The following MICAL2 variants were observed in gnomAD, a reference collection of about 807,000 sequenced individuals.
The protein encoded by MICAL2 is [F-actin]-monooxygenase MICAL2.
In MICAL2, 77 loss-of-function variants were observed where a neutral mutation model predicts 127.3. That is an observed-to-expected ratio of 0.60 (90% CI 0.50 to 0.73). The LOEUF (loss-of-function observed/expected upper bound fraction) is 0.73. Among genes scored for constraint, MICAL2 ranks in the 30% least tolerant of loss-of-function variants. The pLI, the probability that MICAL2 is intolerant of heterozygous loss-of-function variation, is 0.00. For synonymous variants in MICAL2, 570 were observed against 551.1 expected, an observed-to-expected ratio of 1.03 and a Z score of -0.48; for missense variants, 1,351 against 1,434.4, an observed-to-expected ratio of 0.94 and a Z score of 0.94.
chr11:12,266,042 G>T (rs1433447226), downstream of MICAL2, among the ~76,000 whole-genome samples: 2 of 152,134 alleles, frequency 1.3e-5, no homozygotes, highest in Admixed American at 1.3e-4. Context: ...AACCCAGGAG[G>T]CAGAGGTTGC....
intron 2 of MICAL2, among the ~76,000 whole-genome samples, chr11:12,284,756 G>A (rs1863807026): frequency 6.6e-6 from 1 of 152,120 alleles, no homozygotes; most frequent in South Asian, 2.1e-4. Flanking sequence ...TTGGGGGGTG[G>A]GCTATTCATC....
At chr11:12,305,596 A>G (rs529613042) in intron 29 of MICAL2, among the ~76,000 whole-genome samples, 1 of 152,346 alleles carries the variant, frequency 6.6e-6, no homozygotes, top group South Asian at 2.1e-4. Flanking sequence ...TTATAACAAT[A>G]TACTGTAATA....
At chr11:12,272,811 G>A (rs114190166), upstream of MICAL2, among the ~76,000 whole-genome samples, 1,586 of 151,658 alleles carry the variant, frequency 0.01, 26 homozygotes, top group African/African-American at 0.034. Flanking sequence ...AGGGGTAGTG[G>A]CCACCTGCGA....
chr11:12,254,827 A>G (rs1010631043), intron 22 of MICAL2: 1 of 152,134 alleles, frequency 6.6e-6, no homozygotes, highest in African/African-American at 2.4e-5. Context: ...CCCAGGACTA[A>G]AAGGCTTTTG....
chr11:12,227,096 C>G lies in MICAL2; in HGVS notation c.1960C>G (p.Leu654Val). 1 of 1,614,070 alleles carries G rather than the reference C, an allele frequency of 6.2e-7. No homozygotes were observed. Among genetic ancestry groups the G allele is most frequent in the Non-Finnish European group, 8.5e-7 (1 of 1,179,950 alleles). Reference protein sequence around the residue: ...LAKSSISNNYLNLTFPRKRTP... With the variant: ...LAKSSISNNYVNLTFPRKRTP... ...CAAATCATCCATTTCTAATAACTAT[C>G]TCAACCTCACATTTCCAAGGAAGAG... The change falls in exon 15 of 28, where the codon CTC becomes GTC. Residue 654 changes from leucine (L) to valine (V), a missense_variant. This residue lies in a region of MICAL2 where 752 missense variants were observed against 719.4 expected (regional missense o/e 1.05). Coordinates refer to ENST00000683283, the MANE Select transcript of MICAL2 (RefSeq NM_001282663.2).
intron 17 of MICAL2, 97 bp from the exon 18 acceptor site, chr11:12,240,943 C>A (rs1036053296): frequency 1.0e-5 from 15 of 1,436,418 alleles, no homozygotes; most frequent in African/African-American, 5.7e-5. Context: ...CGTCTCCCTG[C>A]TCCTCTTCTC....
At chr11:12,235,493 G>A (rs1040612944) in intron 15 of MICAL2, among the ~76,000 whole-genome samples, 2 of 152,120 alleles carry the variant, frequency 1.3e-5, no homozygotes, top group African/African-American at 2.4e-5. Flanking sequence ...GGTAAAAAGC[G>A]GTAAATCAGA....
intron 9 of MICAL2, among the ~76,000 whole-genome samples, chr11:12,221,282 A>G (rs1856788825): frequency 6.6e-6 from 1 of 152,026 alleles, no homozygotes; most frequent in African/African-American, 2.4e-5. Flanking sequence ...CTTTGCCCAC[A>G]CCATTCCCAA....
In MICAL2 at chr11:12,162,224, C is replaced by T. The variant is rs544805910; in HGVS notation, c.69C>T (p.Ser23=). 45 of 1,614,206 alleles carry T rather than the reference C, an allele frequency of 2.8e-5. 1 individual carries two copies. In the Admixed American group the frequency reaches 4.7e-4, roughly 17 times the overall value. ...GQVFENFVQA[S]TCKGTLQAFN... is the part of the protein sequence containing the mutation. Reference sequence around the variant, plus strand: ...TTTTTGAGAACTTTGTCCAGGCATCCACGTGCAAAGGTACCCTCCAGGCCT... The same window carrying T: ...TTTTTGAGAACTTTGTCCAGGCATCTACGTGCAAAGGTACCCTCCAGGCCT... The change falls in exon 3 of 28, where the codon TCC becomes TCT. Residue 23 remains serine, a synonymous_variant. Transcript: ENST00000683283.
intron 15 of MICAL2, among the ~76,000 whole-genome samples, chr11:12,229,028 A>G (rs1293937151): frequency 6.6e-6 from 1 of 152,068 alleles, no homozygotes; most frequent in Non-Finnish European, 1.5e-5. Flanking sequence ...AAGCCTCTGC[A>G]AGTTTCTGAG....
intron 3 of MICAL2, among the ~76,000 whole-genome samples, chr11:12,169,847 T>C (rs899851738): frequency 1.6e-4 from 24 of 152,352 alleles, no homozygotes; most frequent in Non-Finnish European, 2.9e-5. Context: ...TTCTCCTCCC[T>C]GGAGTGGATA....
At chr11:12,183,629 G>A (rs1210051421) in intron 3 of MICAL2, among the ~76,000 whole-genome samples, 6 of 152,220 alleles carry the variant, frequency 3.9e-5, no homozygotes, top group Non-Finnish European at 8.8e-5. Flanking sequence ...CATAGGAGAA[G>A]TAGGTGTGCT....
intron 22 of MICAL2, chr11:12,255,106 C>G (rs932203367): frequency 6.5e-6 from 1 of 153,544 alleles, no homozygotes; most frequent in African/African-American, 2.4e-5. Context: ...TTAGTAGAGA[C>G]GTGGTTTCTC....
chr11:12,170,590 G>C (rs1221773029), intron 3 of MICAL2, among the ~76,000 whole-genome samples: 1 of 152,166 alleles, frequency 6.6e-6, no homozygotes, highest in Non-Finnish European at 1.5e-5. Context: ...TTAGGGCCCT[G>C]GCCCATGGAG....
chr11:12,241,870 G>T (rs1860010451), intron 18 of MICAL2, among the ~76,000 whole-genome samples: 2 of 151,918 alleles, frequency 1.3e-5, no homozygotes, highest in Middle Eastern at 3.4e-3. Flanking sequence ...CTCATGCCCA[G>T]TCCAGAGCAA....
chr11:12,111,296 C>T (rs983025184), intron 1 of MICAL2, among the ~76,000 whole-genome samples: 1 of 152,108 alleles, frequency 6.6e-6, no homozygotes, highest in African/African-American at 2.4e-5. Flanking sequence ...TCCGAGGGGC[C>T]GCGGCACTGT....
At chr11:12,278,271 AAC>A (rs1033921437) in intron 1 of MICAL2, among the ~76,000 whole-genome samples, 1 of 152,188 alleles carries the variant, frequency 6.6e-6, no homozygotes, top group Non-Finnish European at 1.5e-5. Context: ...CACAGCTTAA[AAC>A]ACACACACAC....
intron 2 of MICAL2, among the ~76,000 whole-genome samples, chr11:12,148,400 G>A (rs1049663691): frequency 5.3e-5 from 8 of 152,220 alleles, no homozygotes; most frequent in East Asian, 1.9e-4. Context: ...CGCTGAGCCC[G>A]GCAGGAGGGT....
Position 12,256,817 on chromosome 11 carries a change from G to A in MICAL2, c.2988G>A (p.Leu996=). The A allele has an allele frequency of 6.2e-7, 1 of 1,613,714 alleles. No individual in the cohort carries two copies. The highest frequency in any genetic ancestry group is 1.1e-5 in the South Asian group (1 of 91,022). ...TGCGAAAGTCATTTCCCCTTAACCT[G>A]GGAGGCAGCGACACGTGTTACTTCT... The part of the protein sequence containing the change: ...ESMRKSFPLN[L]GGSDTCYFCK... Residue 996 remains leucine, a synonymous_variant, in exon 24 of 28, where the codon CTG becomes CTA. Transcript: ENST00000683283.
Sources: gnomAD v4.1 joint callset for allele counts (sites outside exome capture counted in the v4.1 genomes callset) on GRCh38, gnomAD v4.1.1 for gene constraint, gnomAD v4.1.1 regional missense constraint, MANE v1.5 for transcripts, NCBI Gene and HGNC (gene_info 2026-07-23, HGNC 2026-07-21) for gene names.